Variants in PEX14 observed in about 807,000 individuals in gnomAD.
PEX14 encodes peroxisomal membrane protein PEX14.
PEX14 carries 15 observed loss-of-function variants against 49.5 expected under a neutral mutation model. That is an observed-to-expected ratio of 0.30 (90% CI 0.20 to 0.47). The LOEUF is 0.47. Among genes scored for constraint, PEX14 ranks in the 20% least tolerant of loss-of-function variants. The pLI is 1.00. For synonymous variants in PEX14, 210 were observed against 212.7 expected (o/e 0.99, Z 0.11); for missense variants, 398 against 494.8 (o/e 0.80, Z 1.86).
Position 10,526,723 on chromosome 1 carries a change from C to T in PEX14, c.85-9490C>T, listed in dbSNP as rs1428663951. Among the ~76,000 whole-genome samples the T allele has an allele frequency of 2.0e-5, 3 of 152,102 alleles. No individual in the cohort carries two copies. The East Asian group carries it at 5.8e-4, about 29-fold the overall frequency. On this transcript the variant is annotated intron_variant, in intron 2 of 8. Coordinates refer to ENST00000356607, the MANE Select transcript of PEX14 (RefSeq NM_004565.3). ...ATCTGAAAATCCCAAATCCGAAATG[C>T]TCCAGTGAGCATTTCCTTTGTGCAT...
chr1:10,475,128 C>A (rs537998675), intron 1 of PEX14, 126 bp downstream of exon 1: 67 of 867,036 alleles, frequency 7.7e-5, no homozygotes, highest in Non-Finnish European at 1.2e-4. Context: ...CTCTTGCCCC[C>A]TCCTGAGCCC....
At chr1:10,491,983 G>A (rs374990993) in intron 1 of PEX14, among the ~76,000 whole-genome samples, 14 of 152,036 alleles carry the variant, frequency 9.2e-5, no homozygotes, top group African/African-American at 2.7e-4. Context: ...GCACCCGGCC[G>A]GCCATGCTTC....
At chr1:10,508,708 A>T in intron 2 of PEX14, among the ~76,000 whole-genome samples, 1 of 152,188 alleles carries the variant, frequency 6.6e-6, no homozygotes, top group South Asian at 2.1e-4. Flanking sequence ...TGCAGTCCAC[A>T]CGGGGAAGCA....
intron 4 of PEX14, among the ~76,000 whole-genome samples, chr1:10,610,971 G>A (rs542964204): frequency 2.6e-5 from 4 of 152,002 alleles, no homozygotes; most frequent in African/African-American, 9.7e-5. Flanking sequence ...AACCAGGCTG[G>A]GTGCGGTTGC....
At chr1:10,592,009 T>G (rs1640682353) in intron 3 of PEX14, among the ~76,000 whole-genome samples, 1 of 73,192 alleles carries the variant, frequency 1.4e-5, no homozygotes, top group South Asian at 6.1e-4. Flanking sequence ...CCAATTTTTC[T>G]TGCAGTTCTG....
In PEX14 at chr1:10,490,223, G is replaced by A. The variant is rs185335357; in HGVS notation, c.37-5051G>A. 3.9e-5 allele frequency among the ~76,000 whole-genome samples: 6 copies of A among 152,264 alleles called. No individual in the cohort carries two copies. The East Asian group carries it at 1.2e-3, about 29-fold the overall frequency. On this transcript the variant is annotated intron_variant, in intron 1 of 8. Transcript: ENST00000356607. ...CCACTGCATCTCAAAGGATATTGGT[G>A]GGATCGAATCTTATTCTTCCCAGCA...
At chr1:10,551,967 C>T (rs1639346490) in intron 3 of PEX14, among the ~76,000 whole-genome samples, 1 of 151,998 alleles carries the variant, frequency 6.6e-6, no homozygotes, top group Non-Finnish European at 1.5e-5. Context: ...GTGGCAGGCA[C>T]CTGTAGTCCC....
chr1:10,592,672 C>T (rs1266910758), intron 3 of PEX14, among the ~76,000 whole-genome samples: 2 of 152,218 alleles, frequency 1.3e-5, no homozygotes, highest in African/African-American at 4.8e-5. Context: ...GGGAGTACGT[C>T]TGCCTTGTGG....
chr1:10,482,032 C>T (rs1175353266), intron 1 of PEX14, among the ~76,000 whole-genome samples: 7 of 152,142 alleles, frequency 4.6e-5, no homozygotes, highest in Admixed American at 2.0e-4. Flanking sequence ...GCCATGTTGC[C>T]CAGGCTGGTC....
At chr1:10,502,879 C>T (rs1449084259) in intron 2 of PEX14, among the ~76,000 whole-genome samples, 2 of 151,144 alleles carry the variant, frequency 1.3e-5, no homozygotes, top group African/African-American at 4.9e-5. Context: ...TCGTTGCAGC[C>T]CCCCACCTCT....
Position 10,623,337 on chromosome 1 carries a change from A to C in PEX14, c.487+216A>C. The stretch of plus-strand genomic sequence containing the variant: ...CGCGGCCTCAATTAATTATGTTTTT[A>C]CGGAAAGGCTCCCAACCTCAGAATA... On this transcript the variant is annotated intron_variant, in intron 6 of 8. Coordinates refer to ENST00000356607, the MANE Select transcript of PEX14 (RefSeq NM_004565.3). The surrounding 1 kb of genome is among the most constrained non-coding windows in gnomAD (Gnocchi z 4.4). 1.9e-6 allele frequency: 1 copy of C among 525,958 alleles called. No individual in the cohort carries two copies. Among genetic ancestry groups the C allele is most frequent in the African/African-American group, 1.9e-5 (1 of 52,296 alleles). 32.6% of individuals were successfully genotyped at this position (525,958 alleles called of 1,614,324 possible). A position where few individuals can be genotyped will look rare whatever the true frequency, so the allele number is the denominator to read the frequency against.
chr1:10,494,054 C>A lies in PEX14; in HGVS notation c.37-1220C>A, dbSNP rs1428147953. Reference sequence around the variant, plus strand: ...GAGGCAGGGGAAGCTTGCTCACATTCCCTGAGACGGACCCTCACTTTCTAG... The same window carrying A: ...GAGGCAGGGGAAGCTTGCTCACATTACCTGAGACGGACCCTCACTTTCTAG... On this transcript the variant is annotated intron_variant, in intron 1 of 8. Transcript: ENST00000356607. This position sits in a 1 kb window ranked among gnomAD's most constrained non-coding sequence, Gnocchi z 4.3. Among the ~76,000 whole-genome samples, 1 of 152,192 alleles carries A rather than the reference C, an allele frequency of 6.6e-6. No individual in the cohort carries two copies. Among genetic ancestry groups the A allele is most frequent in the African/African-American group, 2.4e-5 (1 of 41,446 alleles).
chr1:10,576,997 C>T (rs908945991), intron 3 of PEX14, among the ~76,000 whole-genome samples: 7 of 152,002 alleles, frequency 4.6e-5, no homozygotes, highest in Non-Finnish European at 7.4e-5. Flanking sequence ...CTGCCTCAGC[C>T]TCCTAAAGCT....
At chr1:10,487,053 A>T (rs1641381993) in intron 1 of PEX14, among the ~76,000 whole-genome samples, 1 of 151,786 alleles carries the variant, frequency 6.6e-6, no homozygotes, top group African/African-American at 2.4e-5. Flanking sequence ...TTTTGTCTCT[A>T]TTGAGTTGAT....
intron 2 of PEX14, among the ~76,000 whole-genome samples, chr1:10,504,667 A>G (rs559258083): frequency 1.1e-4 from 16 of 152,340 alleles, no homozygotes; most frequent in Middle Eastern, 3.4e-3. Flanking sequence ...GCCGTATGGT[A>G]GCAAGGAGTT....
chr1:10,614,967 T>C (rs1209015404), intron 4 of PEX14, among the ~76,000 whole-genome samples: 1 of 152,184 alleles, frequency 6.6e-6, no homozygotes, highest in East Asian at 1.9e-4. Flanking sequence ...CCCGGCTCCT[T>C]GGGGTCGAGG....
chr1:10,499,051 C>T (rs762026385), intron 2 of PEX14, among the ~76,000 whole-genome samples: 5 of 152,182 alleles, frequency 3.3e-5, no homozygotes, highest in Non-Finnish European at 5.9e-5. Context: ...TTAGAATGGG[C>T]GGACAATTGT....
chr1:10,624,492 T>G, intron 7 of PEX14, 55 bp downstream of exon 7: 1 of 1,196,058 alleles, frequency 8.4e-7, no homozygotes, highest in Non-Finnish European at 1.3e-6. Flanking sequence ...CCATGTGCCC[T>G]TCACTCTTGT....
At chr1:10,557,229 A>G (rs1639512822) in intron 3 of PEX14, among the ~76,000 whole-genome samples, 1 of 152,056 alleles carries the variant, frequency 6.6e-6, no homozygotes, top group African/African-American at 2.4e-5. Context: ...AATTATAGCA[A>G]CTCTTCTTTA....
Sources: allele counts gnomAD v4.1 joint callset (sites outside exome capture counted in the v4.1 genomes callset), GRCh38; gene constraint gnomAD v4.1.1; non-coding constraint Gnocchi (gnomAD v3.1); transcripts MANE v1.5; gene names NCBI Gene and HGNC (gene_info 2026-07-23, HGNC 2026-07-21).